The following MAPKAPK3 variants were observed in gnomAD, a reference collection of about 807,000 sequenced individuals.
The protein encoded by MAPKAPK3 is MAP kinase-activated protein kinase 3.
A neutral mutation model predicts 49.2 loss-of-function variants in MAPKAPK3; 35 were observed. The ratio of observed to expected loss-of-function variants is 0.71; its 90% CI spans 0.54 to 0.94. MAPKAPK3 has a LOEUF of 0.94. Ranked by LOEUF, MAPKAPK3 falls within the 40% of genes least tolerant of loss-of-function variation. MAPKAPK3 has a pLI of 0.00. For missense variants in MAPKAPK3, 398 were observed against 493.1 expected (o/e 0.81, Z 1.83); for synonymous variants, 178 against 188.7 (o/e 0.94, Z 0.46).
At chr3:50,615,896 A>G (rs1316439353), upstream of MAPKAPK3, among the ~76,000 whole-genome samples, 1 of 152,238 alleles carries the variant, frequency 6.6e-6, no homozygotes, top group Non-Finnish European at 1.5e-5. Flanking sequence ...TCATTCACTC[A>G]TTCATTGACA....
intron 2 of MAPKAPK3, among the ~76,000 whole-genome samples, chr3:50,625,579 T>A (rs1435267271): frequency 1.3e-5 from 2 of 152,216 alleles, no homozygotes; most frequent in Admixed American, 6.5e-5. Flanking sequence ...CTGAAAAGAT[T>A]GCTTTTGTTT....
At chr3:50,633,236 G>T (rs1022304629) in intron 2 of MAPKAPK3, among the ~76,000 whole-genome samples, 2 of 152,092 alleles carry the variant, frequency 1.3e-5, no homozygotes, top group African/African-American at 4.8e-5. Flanking sequence ...GTACTTTGGA[G>T]AAGTAGAAAA....
rs531065687 is a variant in MAPKAPK3 at position 50,648,232 on chromosome 3, C to T, written c.*186C>T. ...CTAAACCTCCTTCAGATCTCTGGCCCAGGCTCAAGCCCTAGAGATGGGCAG... is the reference window on the plus strand; with the variant it reads ...CTAAACCTCCTTCAGATCTCTGGCCTAGGCTCAAGCCCTAGAGATGGGCAG... On this transcript the variant is annotated 3_prime_UTR_variant, in exon 11 of 11. Transcript: ENST00000621469. 93 of 631,928 alleles carry T rather than the reference C, an allele frequency of 1.5e-4. No homozygotes were observed. The East Asian group carries it at 2.7e-3, about 18-fold the overall frequency. 39.1% of individuals were successfully genotyped at this position (631,928 alleles called of 1,614,324 possible). A position where few individuals can be genotyped will look rare whatever the true frequency, so the allele number is the denominator to read the frequency against.
intron 2 of MAPKAPK3, among the ~76,000 whole-genome samples, chr3:50,636,113 A>G (rs2033035698): frequency 6.6e-6 from 1 of 152,066 alleles, no homozygotes; most frequent in Non-Finnish European, 1.5e-5. Context: ...TCTGTCTCAA[A>G]AAAAAAATCT....
intron 2 of MAPKAPK3, among the ~76,000 whole-genome samples, chr3:50,631,546 A>G (rs1438863946): frequency 6.6e-6 from 1 of 152,224 alleles, no homozygotes; most frequent in Non-Finnish European, 1.5e-5. Context: ...TTAATAGCCC[A>G]CACAGGTGCC....
At chr3:50,612,117 C>T (rs999050317) in exon 1 of MAPKAPK3, 1 of 164,944 alleles carries the variant, frequency 6.1e-6, no homozygotes, top group Non-Finnish European at 1.3e-5. Flanking sequence ...GCTGAAGCTA[C>T]CCAGAGGGGC....
chr3:50,614,500 A>AGTGTGTGTGTGTGTGTGTGTGTGT (rs3066739), upstream of MAPKAPK3, among the ~76,000 whole-genome samples: 9 of 138,946 alleles, frequency 6.5e-5, no homozygotes, highest in Middle Eastern at 3.7e-3. Context: ...GTAAGGACAG[A>AGTGTGTGTGTGTGTGTGTGTGTGT]GTGTGTGTGT....
rs2033273950 is a variant in MAPKAPK3, at chr3:50,645,707, C to T, written c.629-3C>T. 1 of 1,613,772 alleles carries T rather than the reference C, an allele frequency of 6.2e-7. No individual in the cohort carries two copies. Among genetic ancestry groups the T allele is most frequent in the Non-Finnish European group, 8.5e-7 (1 of 1,179,668 alleles). On this transcript the variant is annotated splice_polypyrimidine_tract_variant and splice_region_variant and intron_variant, in intron 6 of 10. Transcript: ENST00000621469. ...GAGCCCTGCTGTCCCTCTGCCCTGGCAGCCCCTGAGGTCCTGGGTCCAGAG... is the reference window on the plus strand; with the variant it reads ...GAGCCCTGCTGTCCCTCTGCCCTGGTAGCCCCTGAGGTCCTGGGTCCAGAG...
At chr3:50,625,625 TTAGAC>T (rs1157556938) in intron 2 of MAPKAPK3, among the ~76,000 whole-genome samples, 3 of 152,196 alleles carry the variant, frequency 2.0e-5, no homozygotes, top group Non-Finnish European at 4.4e-5. Flanking sequence ...GCCTTTTTCT[TTAGAC>T]TAGGGCTTTG....
intron 2 of MAPKAPK3, among the ~76,000 whole-genome samples, chr3:50,639,716 A>G (rs187923663): frequency 5.9e-5 from 9 of 152,224 alleles, no homozygotes; most frequent in Admixed American, 5.2e-4. Flanking sequence ...CCTCTCCTGC[A>G]GGAAGTCTTC....
intron 2 of MAPKAPK3, among the ~76,000 whole-genome samples, chr3:50,622,005 TG>T (rs1273616083): frequency 6.6e-6 from 1 of 152,196 alleles, no homozygotes; most frequent in Non-Finnish European, 1.5e-5. Flanking sequence ...CAGAGTCCTC[TG>T]GGTCAAGTCT....
intron 2 of MAPKAPK3, among the ~76,000 whole-genome samples, chr3:50,625,774 T>C (rs1031005639): frequency 1.3e-5 from 2 of 152,214 alleles, no homozygotes; most frequent in Non-Finnish European, 2.9e-5. Flanking sequence ...CCAGTTTGCC[T>C]GTCTCGTGTG....
rs1161135942 is a variant in MAPKAPK3, at chr3:50,648,967, C to G, written c.*921C>G. The G allele has an allele frequency of 6.6e-6, 1 of 152,196 alleles. No homozygotes were observed. Among genetic ancestry groups the G allele is most frequent in the Admixed American group, 6.5e-5 (1 of 15,282 alleles). 9.4% of individuals were successfully genotyped at this position (152,196 alleles called of 1,614,324 possible). On this transcript the variant is annotated 3_prime_UTR_variant, in exon 11 of 11. Transcript: ENST00000621469. ...TTGGGAGCAGAGCTAAGTGGCTTCC[C>G]ATTAACCTGAGGTCTCTTTCTTTAC...
chr3:50,643,542 C>T (rs1474733739), intron 5 of MAPKAPK3, among the ~76,000 whole-genome samples: 3 of 152,202 alleles, frequency 2.0e-5, no homozygotes, highest in Non-Finnish European at 4.4e-5. Context: ...ACAGCTGCTG[C>T]ATAAGGTCCT....
Position 50,648,249 on chromosome 3 carries a change from G to A in MAPKAPK3, c.*203G>A. 1.7e-6 allele frequency: 1 copy of A among 590,594 alleles called. No homozygotes were observed. Among genetic ancestry groups the A allele is most frequent in the South Asian group, 2.2e-5 (1 of 45,432 alleles). 36.6% of individuals were successfully genotyped at this position (590,594 alleles called of 1,614,324 possible). ...CTCTGGCCCAGGCTCAAGCCCTAGA[G>A]ATGGGCAGGGCCTAGGGGCTGGGAG... On this transcript the variant is annotated 3_prime_UTR_variant, in exon 11 of 11. Coordinates refer to ENST00000621469, the MANE Select transcript of MAPKAPK3 (RefSeq NM_001243925.2).
intron 2 of MAPKAPK3, among the ~76,000 whole-genome samples, chr3:50,631,190 C>G (rs73833406): frequency 0.019 from 2,847 of 152,288 alleles, 103 homozygotes; most frequent in African/African-American, 0.066. Flanking sequence ...TAATGAGCTA[C>G]GAAAGCTCGG....
At chr3:50,616,183 A>G (rs2032459678), upstream of MAPKAPK3, among the ~76,000 whole-genome samples, 1 of 152,202 alleles carries the variant, frequency 6.6e-6, no homozygotes, top group Non-Finnish European at 1.5e-5. Context: ...CAGCTCGCTC[A>G]GGTCCCTCAG....
intron 8 of MAPKAPK3, 71 bp downstream of exon 8, chr3:50,646,335 T>A: frequency 1.9e-6 from 3 of 1,602,408 alleles, no homozygotes; most frequent in Non-Finnish European, 2.6e-6. Context: ...AACATCACTT[T>A]GGTGTCAAAC....
chr3:50,638,418 G>A (rs1044973423), intron 2 of MAPKAPK3, among the ~76,000 whole-genome samples: 3 of 152,158 alleles, frequency 2.0e-5, no homozygotes, highest in Non-Finnish European at 4.4e-5. Flanking sequence ...ATTGGGAATT[G>A]TGCGGGCACT....
Sources: gnomAD v4.1 joint callset for allele counts (sites outside exome capture counted in the v4.1 genomes callset) on GRCh38, gnomAD v4.1.1 for gene constraint, MANE v1.5 for transcripts, NCBI Gene and HGNC (gene_info 2026-07-23, HGNC 2026-07-21) for gene names.